Variants in COL2A1 observed in about 807,000 individuals in gnomAD.
COL2A1 encodes the protein collagen type II alpha 1 chain, also known as collagen alpha-1(II) chain.
COL2A1 carries 28 observed loss-of-function variants against 204.5 expected under a neutral mutation model. That is an observed-to-expected ratio of 0.14 (90% CI 0.10 to 0.19). The LOEUF (loss-of-function observed/expected upper bound fraction) is 0.19, where lower values mean the gene tolerates loss of function less well. COL2A1 is among the 10% of genes least tolerant of loss of function. COL2A1 has a pLI of 1.00. For synonymous variants in COL2A1, 708 were observed against 718.7 expected (o/e 0.99, Z 0.24); for missense variants, 1,388 against 2,027.5 (o/e 0.68, Z 6.06).
At position 47,987,589 on chromosome 12, in the gene COL2A1, G is replaced by T. The variant is rs369917938; in HGVS notation, c.1221+22C>A. 4 of 1,596,062 alleles carry T rather than the reference G, an allele frequency of 2.5e-6. No individual in the cohort carries two copies. The highest frequency in any genetic ancestry group is 1.3e-5 in the African/African-American group (1 of 74,388). On this transcript the variant is annotated intron_variant, in intron 19 of 53. Transcript: ENST00000380518. The surrounding 1 kb of genome is among the most constrained non-coding windows in gnomAD (Gnocchi z 4.1). ...AGCCACAGACCCCAGACCCCCCCAG[G>T]CCAAAGAGAAGCTGCACTTACGGAG... is the stretch of plus-strand genomic sequence containing the variant.
chr12:47,981,489 G>A lies in COL2A1; in HGVS notation c.2410-93C>T. On this transcript the variant is annotated intron_variant, in intron 36 of 53. Coordinates refer to ENST00000380518, the MANE Select transcript of COL2A1 (RefSeq NM_001844.5). The stretch of plus-strand genomic sequence containing the variant: ...TGCATTTGGGGGGCCTTGCTCGTGG[G>A]AAGGGGGCTCCAGGTCCCCCTGGCA... The A allele has an allele frequency of 4.2e-6, 5 of 1,181,838 alleles. No individual in the cohort carries two copies. In the Middle Eastern group the frequency reaches 6.5e-4, roughly 154 times the overall value. The allele number at this position is 1,181,838 out of a possible 1,614,324, so 73.2% of individuals were successfully genotyped here.
rs1042997929 is a variant in COL2A1 at position 48,004,362 on chromosome 12, C to A, written c.-41G>T. 2.7e-5 allele frequency: 34 copies of A among 1,275,564 alleles called. No individual in the cohort carries two copies. In the African/African-American group the frequency reaches 3.3e-4, roughly 12 times the overall value. The allele number at this position is 1,275,564 out of a possible 1,614,324, so 79.0% of individuals were successfully genotyped here. On this transcript the variant is annotated 5_prime_UTR_variant, in exon 1 of 54. Transcript: ENST00000380518. ...CTGGCTGAGCCGGGCCCGGGCGGAG[C>A]GCAGCGAAACGGCAGGAGCACGGCG...
intron 28 of COL2A1, 122 bp downstream of exon 28, chr12:47,984,424 C>A: frequency 9.5e-7 from 1 of 1,053,062 alleles, no homozygotes; most frequent in Admixed American, 2.0e-5. Flanking sequence ...GGGGCTCAGC[C>A]ACAGAGATCA....
chr12:47,991,366 AGCCCAGTCTCCAG>A (rs1939695852), intron 16 of COL2A1, among the ~76,000 whole-genome samples: 1 of 152,158 alleles, frequency 6.6e-6, no homozygotes, highest in Non-Finnish European at 1.5e-5. Context: ...ACACCAACCC[AGCCCAGTCTCCAG>A]GCCAGCCTTG....
chr12:47,978,919 G>A lies in COL2A1; in HGVS notation c.2734-161C>T, dbSNP rs539580187. On this transcript the variant is annotated intron_variant, in intron 41 of 53. Coordinates refer to ENST00000380518, the MANE Select transcript of COL2A1 (RefSeq NM_001844.5). This position sits in a 1 kb window ranked among gnomAD's most constrained non-coding sequence, Gnocchi z 5.5. ...TTAACCCCCCCAACCCCAATCTACC[G>A]CTGCAACCTTCTCACCATGTGAGAC... 3.3e-5 allele frequency among the ~76,000 whole-genome samples: 5 copies of A among 151,876 alleles called. No individual in the cohort carries two copies. Among genetic ancestry groups the A allele is most frequent in the Admixed American group, 1.3e-4 (2 of 15,268 alleles).
At chr12:47,997,821 G>T (rs770966281) in intron 6 of COL2A1, 50 bp downstream of exon 6, 6 of 1,612,708 alleles carry the variant, frequency 3.7e-6, no homozygotes, top group East Asian at 4.5e-5. Context: ...GTGGGGCCTT[G>T]GGGGACCTGG....
At chr12:47,992,841 C>A in intron 16 of COL2A1, 37 bp downstream of exon 16, 1 of 1,610,482 alleles carries the variant, frequency 6.2e-7, no homozygotes, top group Non-Finnish European at 8.5e-7. Context: ...CTAAAGTGCT[C>A]GGCAAATGGT....
intron 7 of COL2A1, 33 bp downstream of exon 7, chr12:47,997,573 C>G (rs1195773474): frequency 1.2e-6 from 2 of 1,613,766 alleles, no homozygotes; most frequent in Non-Finnish European, 1.7e-6. Context: ...TCTGGAGGGA[C>G]AGCCTGAAGG....
At chr12:47,992,836 G>T in intron 16 of COL2A1, 42 bp downstream of exon 16, 2 of 1,607,512 alleles carry the variant, frequency 1.2e-6, no homozygotes, top group South Asian at 1.1e-5. Flanking sequence ...AAACTCTAAA[G>T]TGCTCGGCAA....
In COL2A1 at chr12:47,995,697, T is replaced by A; in HGVS notation, c.708+13A>T. On this transcript the variant is annotated intron_variant, in intron 10 of 53. Transcript: ENST00000380518. Reference sequence around the variant, plus strand: ...CTCCCCCAGAGAAGGGACAGGGCCGTGCTGGTACTCACAGAGACACCAGGT... The same window carrying A: ...CTCCCCCAGAGAAGGGACAGGGCCGAGCTGGTACTCACAGAGACACCAGGT... 2 of 1,613,500 alleles carry A rather than the reference T, an allele frequency of 1.2e-6. No individual in the cohort carries two copies. The highest frequency in any genetic ancestry group is 1.7e-6 in the Non-Finnish European group (2 of 1,179,594).
chr12:47,987,513 G>A lies in COL2A1; in HGVS notation c.1221+98C>T. The A allele has an allele frequency of 8.4e-7, 1 of 1,186,422 alleles. No homozygotes were observed. Among genetic ancestry groups the A allele is most frequent in the Non-Finnish European group, 1.2e-6 (1 of 814,884 alleles). The allele number at this position is 1,186,422 out of a possible 1,614,324, so 73.5% of individuals were successfully genotyped here. ...GGCATTGGGCCAGAATGAAGGTTTG[G>A]TGGTTGGAGCCCACAACTGTCAGAG... On this transcript the variant is annotated intron_variant, in intron 19 of 53. Transcript: ENST00000380518. This position sits in a 1 kb window ranked among gnomAD's most constrained non-coding sequence, Gnocchi z 4.1.
At chr12:47,979,404 G>A (rs950707244) in intron 41 of COL2A1, 107 bp downstream of exon 41, 20 of 1,151,092 alleles carry the variant, frequency 1.7e-5, no homozygotes, top group East Asian at 4.7e-5. Flanking sequence ...GGGCAGGAAC[G>A]GACTCAGAGG....
intron 16 of COL2A1, among the ~76,000 whole-genome samples, chr12:47,990,333 T>A (rs981132487): frequency 1.2e-4 from 19 of 152,218 alleles, no homozygotes; most frequent in African/African-American, 4.6e-4. Context: ...AAAGCTTAAA[T>A]CATTTTCTCT....
intron 44 of COL2A1, 67 bp from the exon 45 acceptor site, chr12:47,977,720 G>C (rs1938802879): frequency 3.9e-6 from 6 of 1,537,436 alleles, no homozygotes; most frequent in Middle Eastern, 1.7e-4. Context: ...TGCTCCCCCA[G>C]CCCCTCTCAG....
At chr12:47,993,701 G>T (rs1939813560) in intron 14 of COL2A1, 108 bp downstream of exon 14, 3 of 1,346,308 alleles carry the variant, frequency 2.2e-6, no homozygotes, top group African/African-American at 1.4e-5. Context: ...AGCCAAGGCT[G>T]TTCTGAGGAG....
intron 23 of COL2A1, 34 bp from the exon 24 acceptor site, chr12:47,985,999 A>G (rs1565682445): frequency 1.3e-6 from 2 of 1,549,258 alleles, no homozygotes; most frequent in Non-Finnish European, 1.7e-6. Flanking sequence ...GCAGTGAGTG[A>G]GAACAGCCCC....
chr12:48,004,940 C>T (rs1940409440), upstream of COL2A1, among the ~76,000 whole-genome samples: 1 of 152,230 alleles, frequency 6.6e-6, no homozygotes, highest in Non-Finnish European at 1.5e-5. Flanking sequence ...GGGGGCACCG[C>T]GTCAGGCGTT....
chr12:47,981,070 CAG>C, intron 37 of COL2A1, 102 bp from the exon 38 acceptor site: 1 of 1,231,678 alleles, frequency 8.1e-7, no homozygotes, highest in Non-Finnish European at 1.1e-6. Flanking sequence ...TCCTGTTCCC[CAG>C]AGACGGGGAT....
chr12:47,992,984 G>A (rs560332165), intron 15 of COL2A1, 53 bp from the exon 16 acceptor site: 41 of 1,572,420 alleles, frequency 2.6e-5, no homozygotes, highest in Non-Finnish European at 3.0e-5. Context: ...CGGTGCTCAG[G>A]GTGACCATTT....
Sources: gnomAD v4.1 joint callset for allele counts (sites outside exome capture counted in the v4.1 genomes callset) on GRCh38, gnomAD v4.1.1 for gene constraint, Gnocchi (gnomAD v3.1) non-coding constraint, MANE v1.5 for transcripts, NCBI Gene and HGNC (gene_info 2026-07-23, HGNC 2026-07-21) for gene names.